The following CYP2A6 variants were observed in gnomAD, a reference collection of about 807,000 sequenced individuals.
CYP2A6 encodes the protein cytochrome P450 2A6.
CYP2A6 carries 27 observed loss-of-function variants against 42.3 expected under a neutral mutation model. That is an observed-to-expected ratio of 0.64 (90% CI 0.47 to 0.88). The LOEUF (loss-of-function observed/expected upper bound fraction) is 0.88, where lower values mean the gene tolerates loss of function less well. Among genes scored for constraint, CYP2A6 ranks in the 40% least tolerant of loss-of-function variants. The pLI, the probability that CYP2A6 is intolerant of heterozygous loss-of-function variation, is 0.00. For synonymous variants in CYP2A6, 238 were observed against 246.3 expected, an observed-to-expected ratio of 0.97 and a Z score of 0.31; for missense variants, 628 against 646.0, an observed-to-expected ratio of 0.97 and a Z score of 0.30.
At chr19:40,848,848 G>A in intron 2 of CYP2A6, 85 bp from the exon 3 acceptor site, 1 of 1,497,726 alleles carries the variant, frequency 6.7e-7, no homozygotes, top group Non-Finnish European at 9.0e-7. Flanking sequence ...CCCCAAGGGT[G>A]GAGGAGAGAG....
rs760339336 is a variant in CYP2A6 at position 40,846,872 on chromosome 19, T to C, written c.831+3A>G. The C allele has an allele frequency of 6.2e-7, 1 of 1,611,748 alleles. No individual in the cohort carries two copies. Among genetic ancestry groups the C allele is most frequent in the Non-Finnish European group, 8.5e-7 (1 of 1,179,778 alleles). ...TCTCCCCGCAGTGGCTGCTGGGGTG[T>C]ACCTCCTGCATGCGGATGAGAAAGG... is the stretch of plus-strand genomic sequence containing the variant. On this transcript the variant is annotated splice_donor_region_variant and intron_variant, in intron 5 of 8. Coordinates refer to ENST00000301141, the MANE Select transcript of CYP2A6 (RefSeq NM_000762.6).
chr19:40,844,631 C>A lies in CYP2A6; in HGVS notation c.1303G>T (p.Gly435Ter), dbSNP rs755365845. The A allele has an allele frequency of 6.2e-7, 1 of 1,611,298 alleles. No homozygotes were observed. The highest frequency in any genetic ancestry group is 1.3e-5 in the African/African-American group (1 of 74,542). The change falls in exon 8 of 9, where the codon GGA becomes TGA. Residue 435 changes from glycine (G) to a stop codon, truncating the protein, a stop_gained and splice_region_variant. Coordinates refer to ENST00000301141, the MANE Select transcript of CYP2A6 (RefSeq NM_000762.6). LOFTEE classifies it low-confidence loss of function (END_TRUNC). ...CTGGCAGCAAACAGTGGTCTCTTAC[C>A]GATGGAAAAGGGCACAAAAGCATCA... ...KSDAFVPFSI[G>*]KRNCFGEGLA...
Position 40,845,335 on chromosome 19 carries a change from C to G in CYP2A6, c.1120G>C (p.Val374Leu). ...DVIPMSLARRVKKDTKFRDFF... is the reference protein window; with the variant it reads ...DVIPMSLARRLKKDTKFRDFF... ...TCCCGAAACTTGGTGTCCTTTTTGA[C>G]TCTGCGGGCCAAACTCATGGGGATC... The change falls in exon 7 of 9, where the codon GTC (valine) becomes CTC (leucine). Residue 374 changes from valine to leucine, a missense_variant. Val to Leu is a conservative substitution (Grantham distance 32, BLOSUM62 1). Around this residue, in one of 2 missense-constraint regions of CYP2A6, gnomAD observed 606 missense variants for 568.1 expected, o/e 1.07. Coordinates refer to ENST00000301141, the MANE Select transcript of CYP2A6 (RefSeq NM_000762.6). The G allele has an allele frequency of 6.2e-7, 1 of 1,611,590 alleles. No homozygotes were observed.
At position 40,848,293 on chromosome 19, in the gene CYP2A6, T is replaced by C. The variant is rs199916117; in HGVS notation, c.580A>G (p.Lys194Glu). Residue 194 changes from lysine to glutamate, a missense_variant, in exon 4 of 9, where the codon AAG becomes GAG. Lys to Glu is a moderately conservative substitution (Grantham distance 56). Coordinates refer to ENST00000301141, the MANE Select transcript of CYP2A6 (RefSeq NM_000762.6). ...SIVFGDRFDY[K>E]DKEFLSLLRM... Reference sequence around the variant, plus strand: ...AACAGTGACAGGAACTCTTTGTCCTTATAGTCAAAGCGGTCCCCAAAGACA... The same window carrying C: ...AACAGTGACAGGAACTCTTTGTCCTCATAGTCAAAGCGGTCCCCAAAGACA... The C allele has an allele frequency of 2.8e-4, 459 of 1,611,650 alleles. 50 individuals are homozygous for C. The East Asian group carries it at 8.8e-3, about 31-fold the overall frequency.
rs1568515441 is a variant in CYP2A6 at position 40,848,222 on chromosome 19, C to T, written c.651G>A (p.Gly217=). 4 of 1,611,664 alleles carry T rather than the reference C, an allele frequency of 2.5e-6. No homozygotes were observed. Among genetic ancestry groups the T allele is most frequent in the Non-Finnish European group, 3.4e-6 (4 of 1,179,830 alleles). Residue 217 remains glycine (G), a synonymous_variant, in exon 4 of 9, where the codon GGG becomes GGA. Transcript: ENST00000301141. ...GIFQFTSTST[G]QLYEMFSSVM... ...GGGCCGGGCTGCAGCCAGTTACCTG[C>T]CCCGTGGAGGTTGACGTGAACTGGA...
rs766451253 is a variant in CYP2A6, at chr19:40,848,810, G to C, written c.344-47C>G. On this transcript the variant is annotated intron_variant, in intron 2 of 8. Coordinates refer to ENST00000301141, the MANE Select transcript of CYP2A6 (RefSeq NM_000762.6). ...TGGAGACAGGCCAGGGGGCGGCAGGGGCAGGAGCGGAGCAGCTCCAAGGGG... is the reference window on the plus strand; with the variant it reads ...TGGAGACAGGCCAGGGGGCGGCAGGCGCAGGAGCGGAGCAGCTCCAAGGGG... 1.9e-4 allele frequency: 306 copies of C among 1,571,206 alleles called. 5 individuals carry two copies. In the Middle Eastern group the frequency reaches 2.5e-3, roughly 13 times the overall value.
chr19:40,849,733 T>G lies in CYP2A6; in HGVS notation c.343+85A>C, dbSNP rs370779055. 6.1e-4 allele frequency: 961 copies of G among 1,582,688 alleles called. 13 individuals carry two copies. The highest frequency in any genetic ancestry group is 2.6e-3 in the South Asian group (220 of 85,524). ...TGGGGACTCTGCCTTAGCCTCCAGTTGGCAGGAGAGTCAGGGAGAAGGCTG... is the reference window on the plus strand; with the variant it reads ...TGGGGACTCTGCCTTAGCCTCCAGTGGGCAGGAGAGTCAGGGAGAAGGCTG... On this transcript the variant is annotated intron_variant, in intron 2 of 8. Transcript: ENST00000301141.
At position 40,845,456 on chromosome 19, in the gene CYP2A6, T is replaced by G. The variant is rs780473849; in HGVS notation, c.999A>C (p.Arg333Ser). 6.2e-7 allele frequency: 1 copy of G among 1,611,724 alleles called. No homozygotes were observed. Among genetic ancestry groups the G allele is most frequent in the Non-Finnish European group, 8.5e-7 (1 of 1,179,910 alleles). Residue 333 changes from arginine to serine, a missense_variant, in exon 7 of 9, where the codon AGA (arginine) becomes AGC (serine). Arg to Ser is a moderately radical substitution (Grantham distance 110, BLOSUM62 -1). Around this residue, in one of 2 missense-constraint regions of CYP2A6, gnomAD observed 606 missense variants for 568.1 expected, o/e 1.07. Coordinates refer to ENST00000301141, the MANE Select transcript of CYP2A6 (RefSeq NM_000762.6). ...TGGGCTGCCGGTTCTTGCCGATCACTCTGTCAATCTCCTCATGGACCTTGG... is the reference window on the plus strand; with the variant it reads ...TGGGCTGCCGGTTCTTGCCGATCACGCTGTCAATCTCCTCATGGACCTTGG... ...VEAKVHEEID[R>S]VIGKNRQPKF...
chr19:40,850,029 A>T, intron 1 of CYP2A6, 49 bp from the exon 2 acceptor site: 2 of 1,603,172 alleles, frequency 1.2e-6, no homozygotes, highest in East Asian at 2.3e-5. Flanking sequence ...TCCACTCTGA[A>T]TGGGGCCCAG....
intron 2 of CYP2A6, among the ~76,000 whole-genome samples, chr19:40,849,047 A>G (rs1967170205): frequency 2.2e-5 from 2 of 89,306 alleles, no homozygotes; most frequent in Non-Finnish European, 2.4e-5. Flanking sequence ...GAGAGAGAGG[A>G]GAGAGAGAGA....
Position 40,844,753 on chromosome 19 carries a change from A to G in CYP2A6, c.1181T>C (p.Met394Thr), listed in dbSNP as rs762995398. ...FLPKGTEVYP[M>T]LGSVLRDPSF... ...GGGGTCTCTCAGCACAGAGCCCAGCATAGGGTACACTTCGGTGCCCTGGTA... is the reference window on the plus strand; with the variant it reads ...GGGGTCTCTCAGCACAGAGCCCAGCGTAGGGTACACTTCGGTGCCCTGGTA... Residue 394 changes from methionine to threonine, a missense_variant, in exon 8 of 9, where the codon ATG (methionine) becomes ACG (threonine). Met to Thr is a moderately conservative substitution (Grantham distance 81, BLOSUM62 -1). This residue lies in a region of CYP2A6 where 606 missense variants were observed against 568.1 expected (regional missense o/e 1.07). Coordinates refer to ENST00000301141, the MANE Select transcript of CYP2A6 (RefSeq NM_000762.6). 1.2e-6 allele frequency: 2 copies of G among 1,611,466 alleles called. No individual in the cohort carries two copies. The highest frequency in any genetic ancestry group is 1.7e-6 in the Non-Finnish European group (2 of 1,179,744).
intron 2 of CYP2A6, among the ~76,000 whole-genome samples, chr19:40,848,982 A>AGG (rs1568516017): frequency 6.1e-4 from 72 of 117,328 alleles, no homozygotes; most frequent in African/African-American, 2.5e-3. Flanking sequence ...GAGAGAAGAG[A>AGG]GAGAGGAGAG....
At position 40,848,686 on chromosome 19, in the gene CYP2A6, C is replaced by A; in HGVS notation, c.421G>T (p.Gly141Cys). The A allele has an allele frequency of 6.2e-7, 1 of 1,611,964 alleles. No individual in the cohort carries two copies. Among genetic ancestry groups the A allele is most frequent in the South Asian group, 1.1e-5 (1 of 90,950 alleles). ...ATGCGCTCCTCGATGCCTCGCTTGC[C>A]CACCCCGAAGTCCCGCAGGGTGGCG... ...SIATLRDFGVGKRGIEERIQE... is the reference protein window; with the variant it reads ...SIATLRDFGVCKRGIEERIQE... Residue 141 changes from glycine (G) to cysteine (C), a missense_variant, in exon 3 of 9, where the codon GGC becomes TGC. By Grantham distance (159) the Gly-to-Cys change is radical (BLOSUM62 -3). Transcript: ENST00000301141.
At chr19:40,847,650 A>G (rs1967122304) in intron 4 of CYP2A6, among the ~76,000 whole-genome samples, 1 of 151,654 alleles carries the variant, frequency 6.6e-6, no homozygotes, top group Non-Finnish European at 1.5e-5. Context: ...TTTGTGTGTC[A>G]GGGAACAATC....
Position 40,845,418 on chromosome 19 carries a change from C to T in CYP2A6, c.1037G>A (p.Arg346Gln), listed in dbSNP as rs774075267. Reference protein sequence around the residue: ...GKNRQPKFEDRAKMPYMEAVI... With the variant: ...GKNRQPKFEDQAKMPYMEAVI... ...TGCCTCCATGTAGGGCATCTTGGCCCGGTCCTCAAACTTGGGCTGCCGGTT... is the reference window on the plus strand; with the variant it reads ...TGCCTCCATGTAGGGCATCTTGGCCTGGTCCTCAAACTTGGGCTGCCGGTT... Residue 346 changes from arginine (R) to glutamine (Q), a missense_variant, in exon 7 of 9, where the codon CGG (arginine) becomes CAG (glutamine). By Grantham distance (43) the Arg-to-Gln change is conservative (BLOSUM62 1). Transcript: ENST00000301141. 29 of 1,611,620 alleles carry T rather than the reference C, an allele frequency of 1.8e-5. No homozygotes were observed. Among genetic ancestry groups the T allele is most frequent in the East Asian group, 2.3e-5 (1 of 43,410 alleles).
In CYP2A6 at chr19:40,845,962, C is replaced by A; in HGVS notation, c.967G>T (p.Val323Leu). ...GFLLLMKHPE[V>L]EAKVHEEIDR... ...CGTCCCCCTCCAGCCTTACCCTCCA[C>A]CTCTGGGTGCTTCATGAGCAGCAAG... The change falls in exon 6 of 9, where the codon GTG (valine) becomes TTG (leucine). Residue 323 changes from valine (V) to leucine (L), a missense_variant. Physicochemically the swap from Val to Leu is conservative, Grantham distance 32 (BLOSUM62 1). This residue lies in a region of CYP2A6 where 606 missense variants were observed against 568.1 expected (regional missense o/e 1.07). Coordinates refer to ENST00000301141, the MANE Select transcript of CYP2A6 (RefSeq NM_000762.6). The A allele has an allele frequency of 1.2e-6, 2 of 1,611,082 alleles. No homozygotes were observed. The highest frequency in any genetic ancestry group is 1.7e-6 in the Non-Finnish European group (2 of 1,179,708).
chr19:40,844,761 C>T lies in CYP2A6; in HGVS notation c.1173G>A (p.Val391=), dbSNP rs759843317. 1 of 1,611,018 alleles carries T rather than the reference C, an allele frequency of 6.2e-7. No homozygotes were observed. Among genetic ancestry groups the T allele is most frequent in the Admixed American group, 1.7e-5 (1 of 59,926 alleles). ...TCAGCACAGAGCCCAGCATAGGGTA[C>T]ACTTCGGTGCCCTGGTAGGGAGGAG... The part of the protein sequence containing the change: ...RDFFLPKGTE[V]YPMLGSVLRD... Residue 391 remains valine (V), a synonymous_variant, in exon 8 of 9, where the codon GTG becomes GTA. Transcript: ENST00000301141.
Position 40,844,777 on chromosome 19 carries a change from T to G in CYP2A6, c.1162-5A>C, listed in dbSNP as rs369346633. 8.5e-5 allele frequency: 137 copies of G among 1,608,638 alleles called. 1 individual carries two copies. The highest frequency in any genetic ancestry group is 7.2e-4 in the South Asian group (65 of 90,622). On this transcript the variant is annotated splice_polypyrimidine_tract_variant and splice_region_variant and intron_variant, in intron 7 of 8. Coordinates refer to ENST00000301141, the MANE Select transcript of CYP2A6 (RefSeq NM_000762.6). ...CATAGGGTACACTTCGGTGCCCTGG[T>G]AGGGAGGAGGAAGTTGTGTGTGATG...
Position 40,849,810 on chromosome 19 carries a change from C to T in CYP2A6, c.343+8G>A. ...TGGCCACCTTCCCCCTCTTGGGCAC[C>T]CCCTCACCATAGCCTTTGAAGACCC... On this transcript the variant is annotated splice_region_variant and intron_variant, in intron 2 of 8. Transcript: ENST00000301141. 4 of 1,598,840 alleles carry T rather than the reference C, an allele frequency of 2.5e-6. No individual in the cohort carries two copies. Among genetic ancestry groups the T allele is most frequent in the Admixed American group, 1.7e-5 (1 of 59,402 alleles).
Sources: gnomAD v4.1 joint callset for allele counts (sites outside exome capture counted in the v4.1 genomes callset) on GRCh38, gnomAD v4.1.1 for gene constraint, gnomAD v4.1.1 regional missense constraint, MANE v1.5 for transcripts, NCBI Gene and HGNC (gene_info 2026-07-23, HGNC 2026-07-21) for gene names.